EFCAB3: variants seen among roughly 807,000 people sequenced by gnomAD.
EFCAB3 encodes EF-hand calcium binding domain 3, also known as EF-hand calcium-binding domain-containing protein 3.
In EFCAB3, 36 loss-of-function variants were observed where a neutral mutation model predicts 42.2. That is an observed-to-expected ratio of 0.85 (90% CI 0.65 to 1.13). The LOEUF (loss-of-function observed/expected upper bound fraction) is 1.13, where lower values mean the gene tolerates loss of function less well. Among genes scored for constraint, EFCAB3 ranks in the 50% most tolerant of loss-of-function variants. The pLI, the probability that EFCAB3 is intolerant of heterozygous loss-of-function variation, is 0.00. For synonymous variants in EFCAB3, 170 were observed against 172.8 expected, an observed-to-expected ratio of 0.98 and a Z score of 0.13; for missense variants, 418 against 505.1, an observed-to-expected ratio of 0.83 and a Z score of 1.65.
At chr17:62,376,559 C>T (rs117369261), upstream of EFCAB3, among the ~76,000 whole-genome samples, 6 of 152,278 alleles carry the variant, frequency 3.9e-5, no homozygotes, top group Non-Finnish European at 5.9e-5. Context: ...AAATATACTA[C>T]TGTGATTTAA....
chr17:62,384,994 G>A (rs1006716237), intron 2 of EFCAB3, among the ~76,000 whole-genome samples: 3 of 152,120 alleles, frequency 2.0e-5, no homozygotes, highest in Middle Eastern at 3.2e-3. Context: ...AGGTAGGCTC[G>A]GCTAAGCTAT....
At chr17:62,404,745 A>G (rs1598019026) in intron 6 of EFCAB3, among the ~76,000 whole-genome samples, 1 of 152,132 alleles carries the variant, frequency 6.6e-6, no homozygotes, top group Non-Finnish European at 1.5e-5. Flanking sequence ...GCAGTGAGCC[A>G]AGATCGTGCC....
intron 1 of EFCAB3, among the ~76,000 whole-genome samples, chr17:62,371,750 GTTGT>G (rs1382608146): frequency 2.0e-5 from 3 of 152,062 alleles, no homozygotes; most frequent in Non-Finnish European, 2.9e-5. Flanking sequence ...GGAATTTGGG[GTTGT>G]TTGTTTATTG....
At chr17:62,399,527 C>T (rs559278357) in intron 6 of EFCAB3, among the ~76,000 whole-genome samples, 1 of 152,286 alleles carries the variant, frequency 6.6e-6, no homozygotes, top group South Asian at 2.1e-4. Flanking sequence ...CCCCTTTGAC[C>T]TCTTTGACTT....
intron 1 of EFCAB3, 108 bp downstream of exon 1, chr17:62,380,721 G>C: frequency 1.9e-6 from 1 of 527,636 alleles, no homozygotes; most frequent in Non-Finnish European, 2.4e-6. Flanking sequence ...TTGAGGTATG[G>C]GGATGATTTC....
In EFCAB3 at chr17:62,406,521, T is replaced by G. The variant is rs2070449290; in HGVS notation, c.530T>G (p.Leu177Trp). The G allele has an allele frequency of 6.2e-7, 1 of 1,612,644 alleles. No individual in the cohort carries two copies. Among genetic ancestry groups the G allele is most frequent in the Non-Finnish European group, 8.5e-7 (1 of 1,179,200 alleles). Residue 177 changes from leucine (L) to tryptophan (W), a missense_variant, in exon 7 of 10, where the codon TTG (leucine) becomes TGG (tryptophan). Physicochemically the swap from Leu to Trp is moderately conservative, Grantham distance 61. Transcript: ENST00000305286. ...RKFQHTGPGM[L>W]WSPYTMGYGK... Reference sequence around the variant, plus strand: ...TTCCAGCATACTGGCCCAGGAATGTTGTGGAGTCCCTACACTATGGGCTAT... The same window carrying G: ...TTCCAGCATACTGGCCCAGGAATGTGGTGGAGTCCCTACACTATGGGCTAT...
upstream of EFCAB3, among the ~76,000 whole-genome samples, chr17:62,379,227 G>A (rs115814220): frequency 9.7e-3 from 1,476 of 152,070 alleles, 29 homozygotes; most frequent in African/African-American, 0.033. Flanking sequence ...AGACCAGTCT[G>A]GGCAACATAG....
chr17:62,382,577 C>T (rs1481799750), intron 1 of EFCAB3, among the ~76,000 whole-genome samples: 1 of 152,178 alleles, frequency 6.6e-6, no homozygotes, highest in South Asian at 2.1e-4. Flanking sequence ...CAACATCTCC[C>T]CATATCTCCT....
chr17:62,412,096 C>G (rs7209559), intron 8 of EFCAB3, among the ~76,000 whole-genome samples: 4,797 of 152,036 alleles, frequency 0.032, 254 homozygotes, highest in African/African-American at 0.11. Context: ...ACTTTCAAGG[C>G]CGGGCATGGT....
rs150948447 is a variant in EFCAB3, at chr17:62,370,392, C to T, written c.34+70C>T. ...TTTTTGGGCTGGGCATGGTGATTCA[C>T]GCCTGTAATCCCAGCACTTTGAGAT... On this transcript the variant is annotated intron_variant, in intron 1 of 11. Coordinates refer to the EFCAB3 transcript ENST00000450662. 4,126 of 1,460,262 alleles carry T rather than the reference C, an allele frequency of 2.8e-3. 18 individuals are homozygous for T. The highest frequency in any genetic ancestry group is 2.9e-3 in the Non-Finnish European group (3,069 of 1,064,594). The allele number at this position is 1,460,262 out of a possible 1,614,324, so 90.5% of individuals were successfully genotyped here.
In EFCAB3 at chr17:62,391,893, A is replaced by C. The variant is rs765478563; in HGVS notation, c.223A>C (p.Thr75Pro). Residue 75 changes from threonine to proline, a missense_variant, in exon 4 of 10, where the codon ACT becomes CCT. Physicochemically the swap from Thr to Pro is conservative, Grantham distance 38. Transcript: ENST00000305286. ...TATTGATTTCCATGGACTGATGTGCACTGTAGCTAAGCTGGGAATGAATCT... is the reference window on the plus strand; with the variant it reads ...TATTGATTTCCATGGACTGATGTGCCCTGTAGCTAAGCTGGGAATGAATCT... Reference protein sequence around the residue: ...GCIDFHGLMCTVAKLGMNLTK... With the variant: ...GCIDFHGLMCPVAKLGMNLTK... 1.2e-6 allele frequency: 2 copies of C among 1,613,834 alleles called. No individual in the cohort carries two copies. Among genetic ancestry groups the C allele is most frequent in the Non-Finnish European group, 1.7e-6 (2 of 1,179,822 alleles).
intron 3 of EFCAB3, among the ~76,000 whole-genome samples, chr17:62,389,947 C>T (rs1156564549): frequency 5.3e-5 from 8 of 152,216 alleles, no homozygotes; most frequent in Non-Finnish European, 1.0e-4. Flanking sequence ...CCACCACGCT[C>T]AGCTAATTTT....
At chr17:62,415,900 T>C (rs1475844297) in intron 9 of EFCAB3, 103 bp from the exon 10 acceptor site, 7 of 1,008,298 alleles carry the variant, frequency 6.9e-6, no homozygotes, top group Non-Finnish European at 1.0e-5. Flanking sequence ...TCAGTGACTT[T>C]CGAGTAGCCC....
intron 2 of EFCAB3, among the ~76,000 whole-genome samples, chr17:62,384,533 C>T (rs550353678): frequency 2.0e-5 from 3 of 151,972 alleles, no homozygotes; most frequent in Non-Finnish European, 2.9e-5. Flanking sequence ...GAGGATTGCT[C>T]GAGCCTAGGA....
At chr17:62,383,118 T>G (rs2070218297) in intron 2 of EFCAB3, 65 bp downstream of exon 2, 1 of 1,434,446 alleles carries the variant, frequency 7.0e-7, no homozygotes, top group African/African-American at 1.5e-5. Context: ...GTTACAGCTC[T>G]TTTAGAATTT....
intron 3 of EFCAB3, among the ~76,000 whole-genome samples, chr17:62,389,766 C>T (rs1416478625): frequency 6.6e-6 from 1 of 152,068 alleles, no homozygotes; most frequent in Non-Finnish European, 1.5e-5. Flanking sequence ...ATAAAATAAA[C>T]ATCCATGAAT....
chr17:62,379,352 C>T (rs779294612), upstream of EFCAB3, among the ~76,000 whole-genome samples: 4 of 143,776 alleles, frequency 2.8e-5, no homozygotes, highest in Non-Finnish European at 4.5e-5. Context: ...CCTGGGAGGT[C>T]GAGACTGTAG....
At chr17:62,385,708 T>C (rs1598008418) in intron 2 of EFCAB3, among the ~76,000 whole-genome samples, 1 of 141,852 alleles carries the variant, frequency 7.0e-6, no homozygotes, top group African/African-American at 2.6e-5. Flanking sequence ...GTATTTCTTC[T>C]AGTTTTACTT....
rs770707984 is a variant in EFCAB3, at chr17:62,416,336, T to C, written c.*7T>C. 26 of 1,563,084 alleles carry C rather than the reference T, an allele frequency of 1.7e-5. No homozygotes were observed. The highest frequency in any genetic ancestry group is 2.1e-5 in the Non-Finnish European group (24 of 1,157,412). Reference sequence around the variant, plus strand: ...AAAGGGATTTCAACAATGAAATTTCTACATTTTCTAAACAGCTCATCACAA... The same window carrying C: ...AAAGGGATTTCAACAATGAAATTTCCACATTTTCTAAACAGCTCATCACAA... On this transcript the variant is annotated 3_prime_UTR_variant, in exon 10 of 10. Coordinates refer to ENST00000305286, the MANE Select transcript of EFCAB3 (RefSeq NM_173503.4).
Sources: gnomAD v4.1 joint callset for allele counts (sites outside exome capture counted in the v4.1 genomes callset) on GRCh38, gnomAD v4.1.1 for gene constraint, MANE v1.5 for transcripts, NCBI Gene and HGNC (gene_info 2026-07-23, HGNC 2026-07-21) for gene names.